The following TGM4 variants were observed in gnomAD, a reference collection of about 807,000 sequenced individuals.
TGM4 encodes protein-glutamine gamma-glutamyltransferase 4.
Under a neutral mutation model 76.3 loss-of-function variants are expected in TGM4, and 61 were observed. The observed-to-expected ratio is 0.80, with a 90% CI of 0.65 to 0.99. The LOEUF (loss-of-function observed/expected upper bound fraction) is 0.99, where lower values mean the gene tolerates loss of function less well. Among genes scored for constraint, TGM4 ranks in the 50% least tolerant of loss-of-function variants. The probability of loss-of-function intolerance (pLI) is 0.00; values close to 1 mark genes in which losing one functional copy is unlikely to be tolerated. For missense variants in TGM4, 794 were observed against 843.2 expected, an observed-to-expected ratio of 0.94 and a Z score of 0.72; for synonymous variants, 337 against 329.8, an observed-to-expected ratio of 1.02 and a Z score of -0.24.
intron 5 of TGM4, among the ~76,000 whole-genome samples, chr3:44,895,243 C>T (rs1322775113): frequency 1.3e-5 from 2 of 151,994 alleles, no homozygotes; most frequent in South Asian, 2.1e-4. Flanking sequence ...TGCAGTGAGC[C>T]GAGATGGCGC....
intron 3 of TGM4, among the ~76,000 whole-genome samples, chr3:44,889,965 C>G (rs1028141309): frequency 3.9e-5 from 6 of 152,160 alleles, no homozygotes; most frequent in Admixed American, 1.3e-4. Flanking sequence ...TTCCACATGG[C>G]TGGGGACACC....
rs546731037 is a variant in TGM4, at chr3:44,881,924, T to C, written c.20-3401T>C. On this transcript the variant is annotated intron_variant, in intron 1 of 13. Coordinates refer to ENST00000296125, the MANE Select transcript of TGM4 (RefSeq NM_003241.4). ...CATTGGTGGCAAGAAACAAGGACATTGTATTCCACTGACACTTTTTCTTTG... is the reference window on the plus strand; with the variant it reads ...CATTGGTGGCAAGAAACAAGGACATCGTATTCCACTGACACTTTTTCTTTG... Among the ~76,000 whole-genome samples the C allele has an allele frequency of 2.6e-3, 402 of 152,098 alleles. 1 individual carries two copies. Among genetic ancestry groups the C allele is most frequent in the Non-Finnish European group, 3.6e-3 (242 of 67,948 alleles).
intron 8 of TGM4, chr3:44,903,639 G>A (rs777374034): frequency 1.2e-5 from 6 of 510,798 alleles, no homozygotes; most frequent in Non-Finnish European, 2.1e-5. Context: ...GCAGGGTGAC[G>A]GTCTCATGAG....
chr3:44,898,579 C>A (rs1029553737), intron 6 of TGM4, among the ~76,000 whole-genome samples: 1 of 152,254 alleles, frequency 6.6e-6, no homozygotes, highest in Non-Finnish European at 1.5e-5. Context: ...GTTCAGCCAA[C>A]TGGCTGCTCT....
At chr3:44,891,715 C>T (rs1375607931) in intron 4 of TGM4, among the ~76,000 whole-genome samples, 1 of 152,192 alleles carries the variant, frequency 6.6e-6, no homozygotes, top group Non-Finnish European at 1.5e-5. Flanking sequence ...TGGCTCACGC[C>T]TGTAATCACA....
At chr3:44,900,419 C>A (rs1334186419) in intron 6 of TGM4, among the ~76,000 whole-genome samples, 2 of 152,186 alleles carry the variant, frequency 1.3e-5, no homozygotes, top group Non-Finnish European at 1.5e-5. Context: ...GCTTGTCCAG[C>A]CACAGGACCT....
chr3:44,880,408 G>A (rs1699516320), intron 1 of TGM4, among the ~76,000 whole-genome samples: 1 of 152,230 alleles, frequency 6.6e-6, no homozygotes. Context: ...TACAGAAAGA[G>A]GTGATGTTTG....
At chr3:44,903,777 C>G in intron 8 of TGM4, 107 bp from the exon 9 acceptor site, 1 of 1,043,606 alleles carries the variant, frequency 9.6e-7, no homozygotes, top group South Asian at 1.3e-5. Context: ...TGAGAACAAC[C>G]TCAGTGGGTC....
chr3:44,904,281 C>T (rs1699895677), intron 9 of TGM4, among the ~76,000 whole-genome samples: 2 of 152,186 alleles, frequency 1.3e-5, no homozygotes, highest in East Asian at 3.8e-4. Flanking sequence ...CCATTTTACT[C>T]ACAACTAACC....
rs561537263 is a variant in TGM4 at position 44,911,006 on chromosome 3, T to C, written c.1655T>C (p.Leu552Pro). The C allele has an allele frequency of 1.2e-6, 2 of 1,614,116 alleles. No individual in the cohort carries two copies. Among genetic ancestry groups the C allele is most frequent in the Non-Finnish European group, 1.7e-6 (2 of 1,180,050 alleles). Reference sequence around the variant, plus strand: ...GACTCCAAGACCTACATCAACAGCCTGGCTATATTAGATGATGAGCCAGTT... The same window carrying C: ...GACTCCAAGACCTACATCAACAGCCCGGCTATATTAGATGATGAGCCAGTT... ...TLDSKTYINSLAILDDEPVIR... is the reference protein window; with the variant it reads ...TLDSKTYINSPAILDDEPVIR... Residue 552 changes from leucine (L) to proline (P), a missense_variant, in exon 12 of 14, where the codon CTG becomes CCG. Physicochemically the swap from Leu to Pro is moderately conservative, Grantham distance 98. Coordinates refer to ENST00000296125, the MANE Select transcript of TGM4 (RefSeq NM_003241.4).
chr3:44,900,237 G>C (rs1360736274), intron 6 of TGM4, among the ~76,000 whole-genome samples: 2 of 152,250 alleles, frequency 1.3e-5, no homozygotes, highest in Non-Finnish European at 2.9e-5. Context: ...TTTCGCAGGA[G>C]GACGCAGCAG....
Position 44,896,726 on chromosome 3 carries a change from G to C in TGM4, c.567G>C (p.Leu189=). The C allele has an allele frequency of 6.2e-7, 1 of 1,614,094 alleles. No homozygotes were observed. Among genetic ancestry groups the C allele is most frequent in the South Asian group, 1.1e-5 (1 of 91,070 alleles). The change falls in exon 6 of 14, where the codon CTG becomes CTC. Residue 189 remains leucine, a synonymous_variant. Coordinates refer to ENST00000296125, the MANE Select transcript of TGM4 (RefSeq NM_003241.4). ...CAAAATAGTTTGAGAAAAATGTCCT[G>C]GACTGCTGCATTTCCCTGCTGACTG... is the stretch of plus-strand genomic sequence containing the variant. ...WNFGQFEKNV[L]DCCISLLTES...
At chr3:44,895,400 G>C (rs1178264857) in intron 5 of TGM4, among the ~76,000 whole-genome samples, 1 of 152,228 alleles carries the variant, frequency 6.6e-6, no homozygotes, top group Non-Finnish European at 1.5e-5. Context: ...GCCAAGGTGG[G>C]AGGATGGCTT....
At chr3:44,909,988 G>T in intron 10 of TGM4, 102 bp from the exon 11 acceptor site, 1 of 1,352,276 alleles carries the variant, frequency 7.4e-7, no homozygotes, top group South Asian at 1.4e-5. Flanking sequence ...GATGTCTCTG[G>T]AGTCCTGGCC....
At chr3:44,878,786 C>T (rs1699487018) in intron 1 of TGM4, among the ~76,000 whole-genome samples, 1 of 151,976 alleles carries the variant, frequency 6.6e-6, no homozygotes, top group Non-Finnish European at 1.5e-5. Flanking sequence ...CTGGCCTCTT[C>T]TTTATCCTAT....
At chr3:44,879,470 C>G (rs1369093830) in intron 1 of TGM4, among the ~76,000 whole-genome samples, 1 of 142,450 alleles carries the variant, frequency 7.0e-6, no homozygotes, top group Admixed American at 7.0e-5. Flanking sequence ...CCAAGCCTGG[C>G]TAATTTTTTT....
rs1286764033 is a variant in TGM4, at chr3:44,901,938, T to A, written c.971+7T>A. 1 of 1,613,058 alleles carries A rather than the reference T, an allele frequency of 6.2e-7. No individual in the cohort carries two copies. Among genetic ancestry groups the A allele is most frequent in the South Asian group, 1.1e-5 (1 of 91,012 alleles). ...TGACCCACGACTCTGTCTGGTAGGGTTCCTCCTTCTCAACCTGCCCTGTCT... is the reference window on the plus strand; with the variant it reads ...TGACCCACGACTCTGTCTGGTAGGGATCCTCCTTCTCAACCTGCCCTGTCT... On this transcript the variant is annotated splice_region_variant and intron_variant, in intron 8 of 13. Transcript: ENST00000296125.
At chr3:44,879,056 C>T (rs1165262372) in intron 1 of TGM4, among the ~76,000 whole-genome samples, 1 of 151,856 alleles carries the variant, frequency 6.6e-6, no homozygotes, top group East Asian at 1.9e-4. Context: ...GATTCTCTTT[C>T]AGTTATGTCT....
In TGM4 at chr3:44,914,506, G is replaced by T. The variant is rs1700056890; in HGVS notation, c.*781G>T. The T allele has an allele frequency of 6.6e-6, 1 of 152,194 alleles. No individual in the cohort carries two copies. The highest frequency in any genetic ancestry group is 1.5e-5 in the Non-Finnish European group (1 of 68,054). 9.4% of individuals were successfully genotyped at this position (152,194 alleles called of 1,614,324 possible). ...TCCACTATCCTGGCAACTCAAGGCTGCTTCTGTTAACTGAAGCCTGCTCCT... is the reference window on the plus strand; with the variant it reads ...TCCACTATCCTGGCAACTCAAGGCTTCTTCTGTTAACTGAAGCCTGCTCCT... On this transcript the variant is annotated 3_prime_UTR_variant, in exon 14 of 14. Coordinates refer to ENST00000296125, the MANE Select transcript of TGM4 (RefSeq NM_003241.4).
Sources: gnomAD v4.1 joint callset for allele counts (sites outside exome capture counted in the v4.1 genomes callset) on GRCh38, gnomAD v4.1.1 for gene constraint, MANE v1.5 for transcripts, NCBI Gene and HGNC (gene_info 2026-07-23, HGNC 2026-07-21) for gene names.